GPC2: variants seen among roughly 807,000 people sequenced by gnomAD.
GPC2 encodes glypican 2.
Under a neutral mutation model 57.3 loss-of-function variants are expected in GPC2, and 42 were observed. The observed-to-expected ratio is 0.73, with a 90% CI of 0.57 to 0.95. The LOEUF is 0.95. Among genes scored for constraint, GPC2 ranks in the 40% least tolerant of loss-of-function variants. The pLI is 0.00. For synonymous variants in GPC2, 364 were observed against 343.4 expected (o/e 1.06, Z -0.66); for missense variants, 745 against 793.6 (o/e 0.94, Z 0.74).
At chr7:100,174,487 C>T (rs1221031231) in intron 4 of GPC2, 198 bp downstream of exon 4, 1 of 671,166 alleles carries the variant, frequency 1.5e-6, no homozygotes, top group Admixed American at 2.1e-5. Context: ...AGGAGGGGGT[C>T]AGAGATCATG....
intron 3 of GPC2, 30 bp downstream of exon 3, chr7:100,175,542 G>C: frequency 1.3e-6 from 2 of 1,563,498 alleles, no homozygotes; most frequent in Non-Finnish European, 1.7e-6. Context: ...GGTCAGAAGT[G>C]GTTGAAGCTC....
In GPC2 at chr7:100,176,285, C is replaced by T. The variant is rs779939153; in HGVS notation, c.247G>A (p.Ala83Thr). ...TEQRLIRETEATFRGLVEDSG... is the reference protein window; with the variant it reads ...TEQRLIRETETTFRGLVEDSG... ...TCCTCCACCAGGCCTCGGAAGGTGG[C>T]CTCAGTCTCCCTGATCAGCCTCTGC... The change falls in exon 2 of 10, where the codon GCC (alanine) becomes ACC (threonine). Residue 83 changes from alanine to threonine, a missense_variant. By Grantham distance (58) the Ala-to-Thr change is moderately conservative. Transcript: ENST00000292377. 3.1e-6 allele frequency: 5 copies of T among 1,613,896 alleles called. No individual in the cohort carries two copies. Among genetic ancestry groups the T allele is most frequent in the Non-Finnish European group, 4.2e-6 (5 of 1,179,938 alleles).
In GPC2 at chr7:100,175,681, G is replaced by A. The variant is rs1345171872; in HGVS notation, c.539C>T (p.Pro180Leu). 6.2e-7 allele frequency: 1 copy of A among 1,613,966 alleles called. No homozygotes were observed. Among genetic ancestry groups the A allele is most frequent in the African/African-American group, 1.3e-5 (1 of 75,030 alleles). The change falls in exon 3 of 10, where the codon CCA becomes CTA. Residue 180 changes from proline to leucine, a missense_variant. Physicochemically the swap from Pro to Leu is moderately conservative, Grantham distance 98. Transcript: ENST00000292377. ...GTAGTCAGGGGGGAAGCTGTACTGT[G>A]GGTGCAGCAGCGGGAACACTCTCTC... is the stretch of plus-strand genomic sequence containing the variant. ...LLERVFPLLH[P>L]QYSFPPDYLL...
At position 100,171,421 on chromosome 7, in the gene GPC2, C is replaced by T. The variant is rs895289046; in HGVS notation, c.1326G>A (p.Val442=). The T allele has an allele frequency of 2.7e-6, 4 of 1,462,938 alleles. No homozygotes were observed. Among genetic ancestry groups the T allele is most frequent in the African/African-American group, 1.5e-5 (1 of 67,536 alleles). 90.6% of individuals were successfully genotyped at this position (1,462,938 alleles called of 1,614,324 possible). A position where few individuals can be genotyped will look rare whatever the true frequency, so the allele number is the denominator to read the frequency against. ...GAGRGRYLPP[V]VGGSPAEQVN... is the part of the protein sequence containing the mutation. ...CCTGCTCGGCCGGGGAGCCCCCGAC[C>T]ACTGGCGGCAAGTACCTGCGAGCAG... The change falls in exon 9 of 10, where the codon GTG becomes GTA. Residue 442 remains valine (V), a synonymous_variant. Coordinates refer to ENST00000292377, the MANE Select transcript of GPC2 (RefSeq NM_152742.3). This position sits in a 1 kb window ranked among gnomAD's most constrained non-coding sequence, Gnocchi z 4.8.
chr7:100,171,175 C>T lies in GPC2; in HGVS notation c.1486+86G>A. 8.4e-7 allele frequency: 1 copy of T among 1,188,270 alleles called. No homozygotes were observed. The highest frequency in any genetic ancestry group is 1.1e-6 in the Non-Finnish European group (1 of 874,812). The allele number at this position is 1,188,270 out of a possible 1,614,324, so 73.6% of individuals were successfully genotyped here. Reference sequence around the variant, plus strand: ...TGAATTAATCAATGAACGCTAAGAGCAGAGGCACGGGCGGGAACTACCAGG... The same window carrying T: ...TGAATTAATCAATGAACGCTAAGAGTAGAGGCACGGGCGGGAACTACCAGG... On this transcript the variant is annotated intron_variant, in intron 9 of 9. Transcript: ENST00000292377. The surrounding 1 kb of genome is among the most constrained non-coding windows in gnomAD (Gnocchi z 4.8).
intron 1 of GPC2, 107 bp from the exon 2 acceptor site, chr7:100,176,472 C>T: frequency 1.9e-6 from 2 of 1,066,286 alleles, no homozygotes; most frequent in East Asian, 2.4e-5. Flanking sequence ...TGCCTGGTCT[C>T]TTTTCTATTG....
At position 100,171,658 on chromosome 7, in the gene GPC2, A is replaced by C; in HGVS notation, c.1191T>G (p.Arg397=). The C allele has an allele frequency of 6.6e-7, 1 of 1,509,692 alleles. No homozygotes were observed. Among genetic ancestry groups the C allele is most frequent in the Non-Finnish European group, 8.8e-7 (1 of 1,139,774 alleles). 93.5% of individuals were successfully genotyped at this position (1,509,692 alleles called of 1,614,324 possible). Residue 397 remains arginine, a synonymous_variant, in exon 8 of 10, where the codon CGT becomes CGG. Coordinates refer to ENST00000292377, the MANE Select transcript of GPC2 (RefSeq NM_152742.3). The surrounding 1 kb of genome is among the most constrained non-coding windows in gnomAD (Gnocchi z 4.8). ...LHRLVWELRE[R]LARMRGFWAR... is the part of the protein sequence containing the mutation. ...CCCAGAAGCCCCGCATCCGGGCCAGACGCTCGCGGAGCTCCCACACCTGGG... is the reference window on the plus strand; with the variant it reads ...CCCAGAAGCCCCGCATCCGGGCCAGCCGCTCGCGGAGCTCCCACACCTGGG...
intron 4 of GPC2, 58 bp downstream of exon 4, chr7:100,174,627 C>G: frequency 7.8e-7 from 1 of 1,279,408 alleles, no homozygotes; most frequent in Non-Finnish European, 1.1e-6. Context: ...CTTGTGGGGT[C>G]TCTCTCACTT....
chr7:100,173,680 C>T, intron 5 of GPC2, 155 bp downstream of exon 5: 1 of 454,236 alleles, frequency 2.2e-6, no homozygotes, highest in African/African-American at 2.2e-5. Flanking sequence ...CTTTCTCTCT[C>T]TCTCTTTCTT....
Position 100,170,219 on chromosome 7 carries a change from C to T in GPC2, c.*11G>A, listed in dbSNP as rs1799153398. ...CATGAACCCTTCTGATGCTAGGGCA[C>T]CCCTCCCCCGTTATCGAGGTCCAAG... On this transcript the variant is annotated 3_prime_UTR_variant, in exon 10 of 10. Coordinates refer to ENST00000292377, the MANE Select transcript of GPC2 (RefSeq NM_152742.3). 2 of 1,542,248 alleles carry T rather than the reference C, an allele frequency of 1.3e-6. No individual in the cohort carries two copies. Among genetic ancestry groups the T allele is most frequent in the African/African-American group, 1.4e-5 (1 of 73,040 alleles).
rs992860413 is a variant in GPC2 at position 100,174,088 on chromosome 7, C to A, written c.730-91G>T. 4.1e-6 allele frequency: 5 copies of A among 1,213,862 alleles called. No individual in the cohort carries two copies. The East Asian group carries it at 8.2e-5, about 20-fold the overall frequency. 75.2% of individuals were successfully genotyped at this position (1,213,862 alleles called of 1,614,324 possible). On this transcript the variant is annotated intron_variant, in intron 4 of 9. Coordinates refer to ENST00000292377, the MANE Select transcript of GPC2 (RefSeq NM_152742.3). ...CTGGGCACAGACAGAAATCACATAC[C>A]CCACCCTACACCTAGGGTTGGTGAC...
intron 2 of GPC2, 49 bp downstream of exon 2, chr7:100,176,158 A>C (rs1447815966): frequency 6.5e-7 from 1 of 1,531,632 alleles, no homozygotes; most frequent in East Asian, 2.4e-5. Context: ...TGGGGTCCTA[A>C]GCACCGAGAG....
chr7:100,172,763 GTA>G (rs1206784249), intron 5 of GPC2, among the ~76,000 whole-genome samples: 164 of 110,740 alleles, frequency 1.5e-3, no homozygotes, highest in Non-Finnish European at 1.7e-3. Context: ...ATATATGTGT[GTA>G]TATATATATG....
chr7:100,173,746 A>G (rs1584631397), intron 5 of GPC2, 89 bp downstream of exon 5: 2 of 1,088,786 alleles, frequency 1.8e-6, no homozygotes, highest in East Asian at 2.9e-5. Flanking sequence ...CCTGGCCTCA[A>G]GTGATCCTCC....
chr7:100,171,061 C>T lies in GPC2; in HGVS notation c.1486+200G>A. 2.0e-6 allele frequency: 1 copy of T among 489,260 alleles called. No homozygotes were observed. The highest frequency in any genetic ancestry group is 3.5e-6 in the Non-Finnish European group (1 of 283,198). 30.3% of individuals were successfully genotyped at this position (489,260 alleles called of 1,614,324 possible). A position where few individuals can be genotyped will look rare whatever the true frequency, so the allele number is the denominator to read the frequency against. On this transcript the variant is annotated intron_variant, in intron 9 of 9. Transcript: ENST00000292377. This position sits in a 1 kb window ranked among gnomAD's most constrained non-coding sequence, Gnocchi z 4.8. ...TAAGAATGTTTTCGTGTCTCCCCTA[C>T]TGGCCTGAAAGGATACAGACCCCCT...
chr7:100,171,724 C>T lies in GPC2; in HGVS notation c.1171-46G>A, dbSNP rs1799182210. ...GGGGCGAGCTGGAGCGCGACCCCCA[C>T]AACCATCCCCGGCCCCGGGCCCCCC... is the stretch of plus-strand genomic sequence containing the variant. On this transcript the variant is annotated intron_variant, in intron 7 of 9. Coordinates refer to ENST00000292377, the MANE Select transcript of GPC2 (RefSeq NM_152742.3). The surrounding 1 kb of genome is among the most constrained non-coding windows in gnomAD (Gnocchi z 4.8). 1 of 1,493,828 alleles carries T rather than the reference C, an allele frequency of 6.7e-7. No homozygotes were observed. The highest frequency in any genetic ancestry group is 8.9e-7 in the Non-Finnish European group (1 of 1,129,562). The allele number at this position is 1,493,828 out of a possible 1,614,324, so 92.5% of individuals were successfully genotyped here.
In GPC2 at chr7:100,171,402, C is replaced by T. The variant is rs763426742; in HGVS notation, c.1345G>A (p.Glu449Lys). Residue 449 changes from glutamate (E) to lysine (K), a missense_variant, in exon 9 of 10, where the codon GAG becomes AAG. Transcript: ENST00000292377. The surrounding 1 kb of genome is among the most constrained non-coding windows in gnomAD (Gnocchi z 4.8). Reference protein sequence around the residue: ...LPPVVGGSPAEQVNNPELKVD... With the variant: ...LPPVVGGSPAKQVNNPELKVD... ...TTGAGCTCGGGGTTGTTGACCTGCT[C>T]GGCCGGGGAGCCCCCGACCACTGGC... 6.0e-6 allele frequency: 9 copies of T among 1,498,862 alleles called. No individual in the cohort carries two copies. Among genetic ancestry groups the T allele is most frequent in the South Asian group, 5.2e-5 (4 of 77,476 alleles). 92.8% of individuals were successfully genotyped at this position (1,498,862 alleles called of 1,614,324 possible). A position where few individuals can be genotyped will look rare whatever the true frequency, so the allele number is the denominator to read the frequency against.
Position 100,170,037 on chromosome 7 carries a change from T to G in GPC2, c.*193A>C. Reference sequence around the variant, plus strand: ...CCCAGGCCCCCCTCCCATTACCAAATGAAAAAATAAATATTGTGAACACCC... The same window carrying G: ...CCCAGGCCCCCCTCCCATTACCAAAGGAAAAAATAAATATTGTGAACACCC... On this transcript the variant is annotated 3_prime_UTR_variant, in exon 10 of 10. Transcript: ENST00000292377. The G allele has an allele frequency of 1.0e-4, 36 of 361,304 alleles. No homozygotes were observed. The highest frequency in any genetic ancestry group is 1.7e-4 in the East Asian group (3 of 17,926). The allele number at this position is 361,304 out of a possible 1,614,324, so 22.4% of individuals were successfully genotyped here. A position where few individuals can be genotyped will look rare whatever the true frequency, so the allele number is the denominator to read the frequency against.
chr7:100,174,502 G>T (rs750122028), intron 4 of GPC2, 183 bp downstream of exon 4: 3 of 686,302 alleles, frequency 4.4e-6, no homozygotes, highest in Non-Finnish European at 8.0e-6. Context: ...ATCATGGATC[G>T]TGGACCATTG....
Sources: gnomAD v4.1 joint callset for allele counts (sites outside exome capture counted in the v4.1 genomes callset) on GRCh38, gnomAD v4.1.1 for gene constraint, Gnocchi (gnomAD v3.1) non-coding constraint, MANE v1.5 for transcripts, NCBI Gene and HGNC (gene_info 2026-07-23, HGNC 2026-07-21) for gene names.